The following AAK1 variants were observed in gnomAD, a reference collection of about 807,000 sequenced individuals.
The protein encoded by AAK1 is AP2-associated protein kinase 1.
In AAK1, 37 loss-of-function variants were observed where a neutral mutation model predicts 116.0. The observed-to-expected ratio is 0.32, with a 90% CI of 0.25 to 0.42. The LOEUF (loss-of-function observed/expected upper bound fraction) is 0.42. AAK1 is among the 10% of genes least tolerant of loss of function. AAK1 has a pLI of 1.00. For synonymous variants in AAK1, 458 were observed against 439.9 expected (o/e 1.04, Z -0.51); for missense variants, 919 against 1,170.6 (o/e 0.79, Z 3.14).
intron 2 of AAK1, 63 bp downstream of exon 2, chr2:69,642,815 A>C (rs1197864375): frequency 7.5e-6 from 12 of 1,607,314 alleles, no homozygotes; most frequent in Non-Finnish European, 1.0e-5. Context: ...CAACAACTAG[A>C]AACCACAGTA....
intron 9 of AAK1, among the ~76,000 whole-genome samples, chr2:69,526,773 G>A (rs1670045528): frequency 6.6e-6 from 1 of 152,212 alleles, no homozygotes; most frequent in South Asian, 2.1e-4. Flanking sequence ...AACAGCAGAA[G>A]CAAAATCAAG....
intron 8 of AAK1, among the ~76,000 whole-genome samples, chr2:69,529,621 A>G (rs1670168717): frequency 6.6e-6 from 1 of 152,222 alleles, no homozygotes; most frequent in Admixed American, 6.5e-5. Flanking sequence ...CACTCCAGTG[A>G]ATGTACTGCA....
At position 69,591,523 on chromosome 2, in the gene AAK1, CTTTTTT is replaced by C. The variant is rs557305954; in HGVS notation, c.164-34551_164-34546del. 4.4e-4 allele frequency among the ~76,000 whole-genome samples: 57 copies of C among 130,000 alleles called. 1 individual carries two copies. Among genetic ancestry groups the C allele is most frequent in the Admixed American group, 4.1e-3 (51 of 12,404 alleles). The allele number at this position is 130,000 out of a possible 152,430, so 85.3% of individuals were successfully genotyped here. On this transcript the variant is annotated intron_variant, in intron 2 of 21. Coordinates refer to ENST00000409085, the MANE Select transcript of AAK1 (RefSeq NM_014911.5). The stretch of plus-strand genomic sequence containing the variant: ...AATTTTTTTTTCTTTTTTTCTTTTT[CTTTTTT>C]TTTTTTTTTGAGAGGGAGTCTCGCT...
At chr2:69,573,955 A>C (rs1471305402) in intron 2 of AAK1, among the ~76,000 whole-genome samples, 1 of 151,972 alleles carries the variant, frequency 6.6e-6, no homozygotes, top group Non-Finnish European at 1.5e-5. Context: ...AGATCATGCC[A>C]CTGCACTCCA....
intron 13 of AAK1, among the ~76,000 whole-genome samples, chr2:69,510,364 G>A (rs1676347192): frequency 6.6e-6 from 1 of 152,140 alleles, no homozygotes; most frequent in African/African-American, 2.4e-5. Context: ...CCATGTTCTT[G>A]CAAAGCCTCC....
At chr2:69,593,362 G>C (rs936775364) in intron 2 of AAK1, among the ~76,000 whole-genome samples, 1 of 151,968 alleles carries the variant, frequency 6.6e-6, no homozygotes, top group Non-Finnish European at 1.5e-5. Context: ...ATATTATTGA[G>C]TTTAAAAAAA....
chr2:69,523,203 C>G (rs1188790682), intron 10 of AAK1, among the ~76,000 whole-genome samples: 1 of 152,032 alleles, frequency 6.6e-6, no homozygotes, highest in African/African-American at 2.4e-5. Context: ...CATTGCTTAC[C>G]CTCTGCACAT....
At chr2:69,643,348 G>C in intron 1 of AAK1, 74 bp from the exon 2 acceptor site, 1 of 1,223,364 alleles carries the variant, frequency 8.2e-7, no homozygotes, top group East Asian at 3.1e-5. Context: ...GTCCTAGGGG[G>C]AGCAAAAGCC....
At position 69,465,642 on chromosome 2, in the gene AAK1, TG is replaced by T. The variant is rs1297709473; in HGVS notation, c.*10226del. On this transcript the variant is annotated 3_prime_UTR_variant, in exon 22 of 22. Transcript: ENST00000409085. ...GTGACGGGAATACTTGGATAAGGAC[TG>T]GGGGCGGAATGGTTTGCCAGCCATG... 4 of 1,290,786 alleles carry T rather than the reference TG, an allele frequency of 3.1e-6. No homozygotes were observed. The highest frequency in any genetic ancestry group is 3.0e-6 in the Non-Finnish European group (3 of 988,876). The allele number at this position is 1,290,786 out of a possible 1,614,324, so 80.0% of individuals were successfully genotyped here. A position where few individuals can be genotyped will look rare whatever the true frequency, so the allele number is the denominator to read the frequency against.
chr2:69,619,152 G>T (rs1674473130), intron 2 of AAK1, among the ~76,000 whole-genome samples: 1 of 152,076 alleles, frequency 6.6e-6, no homozygotes, highest in Non-Finnish European at 1.5e-5. Context: ...CTGCCTCATG[G>T]TGTCCATCCT....
intron 17 of AAK1, among the ~76,000 whole-genome samples, chr2:69,490,276 T>G (rs1675470277): frequency 6.6e-6 from 1 of 152,096 alleles, no homozygotes; most frequent in African/African-American, 2.4e-5. Context: ...AAAAATAGAA[T>G]TAGCATATGA....
At position 69,514,495 on chromosome 2, in the gene AAK1, C is replaced by T. The variant is rs892231418; in HGVS notation, c.1752G>A (p.Gln584=). 2 of 1,548,748 alleles carry T rather than the reference C, an allele frequency of 1.3e-6. No homozygotes were observed. Among genetic ancestry groups the T allele is most frequent in the African/African-American group, 2.7e-5 (2 of 73,010 alleles). Residue 584 remains glutamine, a synonymous_variant, in exon 13 of 22, where the codon CAG becomes CAA. Coordinates refer to ENST00000409085, the MANE Select transcript of AAK1 (RefSeq NM_014911.5). ...CCGCTGGCTCCTGGGCAGGGGCTGG[C>T]TGTGGGGCTGCAGCTGGCTGTGGCT... ...QPQPQPAAAP[Q]PAPAQEPAIQ...
At chr2:69,621,540 A>C (rs913106662) in intron 2 of AAK1, among the ~76,000 whole-genome samples, 5 of 152,164 alleles carry the variant, frequency 3.3e-5, no homozygotes, top group Admixed American at 6.5e-5. Context: ...AGATGAACAG[A>C]AGCCCTAGTA....
intron 16 of AAK1, among the ~76,000 whole-genome samples, chr2:69,502,779 T>C (rs1197913501): frequency 3.3e-5 from 5 of 152,246 alleles, no homozygotes; most frequent in African/African-American, 9.6e-5. Flanking sequence ...TGAAAATATG[T>C]ATAAAAAACC....
chr2:69,589,188 G>C (rs1672917828), intron 2 of AAK1, among the ~76,000 whole-genome samples: 1 of 152,206 alleles, frequency 6.6e-6, no homozygotes, highest in African/African-American at 2.4e-5. Context: ...CAGGAAACAA[G>C]GTGGCACTAC....
rs561312424 is a variant in AAK1, at chr2:69,460,823, T to C, written c.*15046A>G. ...TATATTAAATATTTTTCACCACATA[T>C]GACATCTTTCATTCAGTACTGCCTG... On this transcript the variant is annotated 3_prime_UTR_variant, in exon 22 of 22. Coordinates refer to ENST00000409085, the MANE Select transcript of AAK1 (RefSeq NM_014911.5). 42 of 152,378 alleles carry C rather than the reference T, an allele frequency of 2.8e-4. No individual in the cohort carries two copies. The highest frequency in any genetic ancestry group is 9.9e-4 in the African/African-American group (41 of 41,598). 9.4% of individuals were successfully genotyped at this position (152,378 alleles called of 1,614,324 possible).
chr2:69,496,686 G>T (rs546904834), intron 16 of AAK1, among the ~76,000 whole-genome samples: 1 of 152,102 alleles, frequency 6.6e-6, no homozygotes, highest in Non-Finnish European at 1.5e-5. Context: ...TCAGAATGTC[G>T]AGAGGAGGTA....
In AAK1 at chr2:69,532,669, T is replaced by A. The variant is rs1467338440; in HGVS notation, c.535-507A>T. ...CCTTCAGTATTTCATTCTCTCATGA[T>A]GTGAATTACTTCACTTGGACCTTAT... On this transcript the variant is annotated intron_variant, in intron 5 of 21. Transcript: ENST00000409085. Among the ~76,000 whole-genome samples, 7 of 152,248 alleles carry A rather than the reference T, an allele frequency of 4.6e-5. No individual in the cohort carries two copies. The South Asian group carries it at 1.4e-3, about 32-fold the overall frequency.
intron 2 of AAK1, among the ~76,000 whole-genome samples, chr2:69,611,853 A>G (rs1455510126): frequency 6.6e-6 from 1 of 152,246 alleles, no homozygotes; most frequent in Non-Finnish European, 1.5e-5. Context: ...TATAACATGG[A>G]TGAACTCTGA....
Sources: allele counts gnomAD v4.1 joint callset (sites outside exome capture counted in the v4.1 genomes callset), GRCh38; gene constraint gnomAD v4.1.1; transcripts MANE v1.5; gene names NCBI Gene and HGNC (gene_info 2026-07-23, HGNC 2026-07-21).